Variants in OTUD6B observed in about 807,000 individuals in gnomAD.
OTUD6B encodes the protein deubiquitinase OTUD6B.
In OTUD6B, 41 loss-of-function variants were observed where a neutral mutation model predicts 36.9. That is an observed-to-expected ratio of 1.11 (90% CI 0.87 to 1.44). The LOEUF (loss-of-function observed/expected upper bound fraction) is 1.44, where lower values mean the gene tolerates loss of function less well. OTUD6B is among the 40% of genes most tolerant of loss of function. OTUD6B has a pLI of 0.00. For synonymous variants in OTUD6B, 114 were observed against 114.2 expected (o/e 1.00, Z 0.01); for missense variants, 356 against 344.8 (o/e 1.03, Z -0.26).
intron 1 of OTUD6B, 130 bp downstream of exon 1, chr8:91,070,596 C>T: frequency 1.2e-6 from 1 of 821,636 alleles, no homozygotes; most frequent in Non-Finnish European, 1.9e-6. Context: ...TAGCAAGTGG[C>T]CTCTTCTCTC....
At chr8:91,072,403 G>A (rs1034312910) in intron 2 of OTUD6B, among the ~76,000 whole-genome samples, 4 of 152,112 alleles carry the variant, frequency 2.6e-5, no homozygotes, top group Non-Finnish European at 5.9e-5. Flanking sequence ...GGTATTTATT[G>A]TATGGGTTTT....
chr8:91,080,337 CAT>C (rs1350225299), intron 4 of OTUD6B, among the ~76,000 whole-genome samples: 7 of 152,014 alleles, frequency 4.6e-5, no homozygotes, highest in South Asian at 4.1e-4. Flanking sequence ...CTTCAAAACA[CAT>C]GTCAAGATAG....
intron 3 of OTUD6B, among the ~76,000 whole-genome samples, chr8:91,076,296 G>T (rs1442932209): frequency 6.6e-6 from 1 of 151,972 alleles, no homozygotes; most frequent in African/African-American, 2.4e-5. Flanking sequence ...ACTTATTAGT[G>T]CCATTCTATC....
chr8:91,076,399 G>A, intron 3 of OTUD6B: 2 of 906,648 alleles, frequency 2.2e-6, no homozygotes, highest in Non-Finnish European at 2.6e-6. Flanking sequence ...CTTACCTAGT[G>A]CCCTGAAAAG....
At chr8:91,075,581 A>G (rs1004918277) in intron 3 of OTUD6B, among the ~76,000 whole-genome samples, 2 of 152,110 alleles carry the variant, frequency 1.3e-5, no homozygotes, top group African/African-American at 4.8e-5. Flanking sequence ...CACAACTGGA[A>G]TTAATACTTT....
Position 91,078,229 on chromosome 8 carries a change from A to C in OTUD6B, c.316-127A>C, listed in dbSNP as rs78548998. Reference sequence around the variant, plus strand: ...AAATTCTTGAGATGATCAATGTGATAGTGTTTGTGCGAGAAGGGAGAATAA... The same window carrying C: ...AAATTCTTGAGATGATCAATGTGATCGTGTTTGTGCGAGAAGGGAGAATAA... On this transcript the variant is annotated intron_variant, in intron 3 of 6. Transcript: ENST00000404789. The C allele has an allele frequency of 2.7e-3, 3,855 of 1,437,788 alleles. 96 individuals are homozygous for C. In the African/African-American group the frequency reaches 0.051, roughly 19 times the overall value. The allele number at this position is 1,437,788 out of a possible 1,614,324, so 89.1% of individuals were successfully genotyped here. A position where few individuals can be genotyped will look rare whatever the true frequency, so the allele number is the denominator to read the frequency against.
rs1812845847 is a variant in OTUD6B, at chr8:91,078,644, A to G, written c.604A>G (p.Asn202Asp). 1 of 1,583,640 alleles carries G rather than the reference A, an allele frequency of 6.3e-7. No individual in the cohort carries two copies. The highest frequency in any genetic ancestry group is 8.6e-7 in the Non-Finnish European group (1 of 1,163,092). ...CTTTCTGCCATTTTTAACAAACCCT[A>G]ATACAGGAGATATGTATACTCCAGG... ...EDFLPFLTNP[N>D]TGDMYTPEEF... The change falls in exon 4 of 7, where the codon AAT (asparagine) becomes GAT (aspartate). Residue 202 changes from asparagine (N) to aspartate (D), a missense_variant. Transcript: ENST00000404789.
At chr8:91,078,287 C>G in intron 3 of OTUD6B, 69 bp from the exon 4 acceptor site, 1 of 1,464,616 alleles carries the variant, frequency 6.8e-7, no homozygotes, top group Non-Finnish European at 9.0e-7. Context: ...TTACATTTCC[C>G]TTCCCTTAAT....
In OTUD6B at chr8:91,080,712, A is replaced by G; in HGVS notation, c.672A>G (p.Ala224=). The change falls in exon 5 of 7, where the codon GCA becomes GCG. Residue 224 remains alanine (A), a synonymous_variant. Coordinates refer to ENST00000404789, the MANE Select transcript of OTUD6B (RefSeq NM_016023.5). ...KYCEDIVNTA[A]WGGQLELRAL... is the part of the protein sequence containing the mutation. ...GTGAAGATATTGTAAACACAGCTGC[A>G]TGGGGAGGTCAGCTTGAGGTAAGTT... is the stretch of plus-strand genomic sequence containing the variant. 1.2e-6 allele frequency: 2 copies of G among 1,603,494 alleles called. No individual in the cohort carries two copies. The highest frequency in any genetic ancestry group is 1.1e-5 in the South Asian group (1 of 89,000).
intron 4 of OTUD6B, 105 bp downstream of exon 4, chr8:91,078,773 T>C (rs1812848383): frequency 1.6e-6 from 1 of 641,660 alleles, no homozygotes. Context: ...ATGATCCTTA[T>C]GAGGAAAAAA....
intron 4 of OTUD6B, chr8:91,078,896 C>T (rs527747917): frequency 4.8e-5 from 17 of 356,828 alleles, no homozygotes; most frequent in Middle Eastern, 7.7e-4. Flanking sequence ...ATATGCTAAT[C>T]ATTTTATGTA....
In OTUD6B at chr8:91,073,837, T is replaced by G; in HGVS notation, c.241T>G (p.Ser81Ala). The stretch of plus-strand genomic sequence containing the variant: ...TGCTTTTTGTTTCCTTCAGATAGAT[T>G]CTGTTGCTGTTAACATTTCAAACTT... ...KLTTKENKID[S>A]VAVNISNLVL... The change falls in exon 3 of 7, where the codon TCT becomes GCT. Residue 81 changes from serine to alanine, a missense_variant. By Grantham distance (99) the Ser-to-Ala change is moderately conservative (BLOSUM62 1). Coordinates refer to ENST00000404789, the MANE Select transcript of OTUD6B (RefSeq NM_016023.5). The G allele has an allele frequency of 6.3e-7, 1 of 1,582,158 alleles. No homozygotes were observed. Among genetic ancestry groups the G allele is most frequent in the Middle Eastern group, 1.7e-4 (1 of 6,008 alleles).
At chr8:91,076,078 A>G (rs1663400516) in intron 3 of OTUD6B, among the ~76,000 whole-genome samples, 1 of 152,106 alleles carries the variant, frequency 6.6e-6, no homozygotes, top group South Asian at 2.1e-4. Context: ...ATTGAATTCA[A>G]TTTCTGTATT....
chr8:91,082,862 C>T (rs1215339259), intron 5 of OTUD6B, among the ~76,000 whole-genome samples: 2 of 147,654 alleles, frequency 1.4e-5, no homozygotes, highest in Non-Finnish European at 3.0e-5. Flanking sequence ...AGTGATCCAT[C>T]ATGCCTGGTT....
intron 3 of OTUD6B, among the ~76,000 whole-genome samples, chr8:91,074,299 C>T (rs1812761579): frequency 6.6e-6 from 1 of 151,942 alleles, no homozygotes; most frequent in East Asian, 1.9e-4. Context: ...AGAATGTGGG[C>T]CCAGGGGATT....
In OTUD6B at chr8:91,071,118, T is replaced by A. The variant is rs770493251; in HGVS notation, c.83-20T>A. On this transcript the variant is annotated intron_variant, in intron 1 of 6. Transcript: ENST00000404789. ...TTTTACTCCTGCGTGTCTGACTTAA[T>A]GATTTTAATGGCTTTTCAGCCAAAA... The A allele has an allele frequency of 3.1e-6, 5 of 1,611,240 alleles. No individual in the cohort carries two copies. In the Admixed American group the frequency reaches 8.4e-5, roughly 27 times the overall value.
intron 2 of OTUD6B, among the ~76,000 whole-genome samples, chr8:91,071,793 T>C (rs1812705138): frequency 1.3e-5 from 2 of 152,202 alleles, no homozygotes; most frequent in African/African-American, 4.8e-5. Flanking sequence ...GCAAAGAAAG[T>C]GCTATACTTC....
intron 6 of OTUD6B, among the ~76,000 whole-genome samples, 167 bp downstream of exon 6, chr8:91,084,281 A>T (rs1812966535): frequency 1.3e-5 from 2 of 152,184 alleles, no homozygotes; most frequent in South Asian, 4.1e-4. Context: ...TCTAAAGGTT[A>T]TAACATTTTA....
intron 4 of OTUD6B, chr8:91,080,408 T>A (rs181465303): frequency 4.5e-6 from 1 of 223,450 alleles, no homozygotes; most frequent in Non-Finnish European, 7.5e-6. Flanking sequence ...AGGTTTGTTA[T>A]ATAGGGAGGG....
Sources: allele counts gnomAD v4.1 joint callset (sites outside exome capture counted in the v4.1 genomes callset), GRCh38; gene constraint gnomAD v4.1.1; transcripts MANE v1.5; gene names NCBI Gene and HGNC (gene_info 2026-07-23, HGNC 2026-07-21).